TAF4: variants seen among roughly 807,000 people sequenced by gnomAD.
TAF4 encodes the protein transcription initiation factor TFIID subunit 4.
Under a neutral mutation model 90.3 loss-of-function variants are expected in TAF4, and 9 were observed. That is an observed-to-expected ratio of 0.10 (90% CI 0.06 to 0.17). The LOEUF (loss-of-function observed/expected upper bound fraction) is 0.17, where lower values mean the gene tolerates loss of function less well. Ranked by LOEUF, TAF4 falls within the 10% of genes least tolerant of loss-of-function variation. The pLI, the probability that TAF4 is intolerant of heterozygous loss-of-function variation, is 1.00. For synonymous variants in TAF4, 818 were observed against 638.9 expected (o/e 1.28, Z -4.23); for missense variants, 1,351 against 1,370.7 (o/e 0.99, Z 0.23).
In TAF4 at chr20:62,030,080, G is replaced by A. The variant is rs577027031; in HGVS notation, c.1361-15373C>T. On this transcript the variant is annotated intron_variant, in intron 1 of 14. Coordinates refer to ENST00000252996, the MANE Select transcript of TAF4 (RefSeq NM_003185.4). ...GAAAGACGCACAATGCCAGCGCTGC[G>A]AGGCCAGGCGAGCAGCGCAGCGGGC... is the stretch of plus-strand genomic sequence containing the variant. Among the ~76,000 whole-genome samples the A allele has an allele frequency of 7.9e-4, 120 of 152,268 alleles. 1 individual carries two copies. Among genetic ancestry groups the A allele is most frequent in the South Asian group, 2.1e-4 (1 of 4,826 alleles).
intron 5 of TAF4, among the ~76,000 whole-genome samples, chr20:62,008,508 G>A (rs1216589381): frequency 6.7e-6 from 1 of 148,326 alleles, no homozygotes; most frequent in Non-Finnish European, 1.5e-5. Context: ...TCCGGCCAGG[G>A]GACAGAGTGC....
At chr20:61,993,052 C>T (rs940643705) in intron 14 of TAF4, among the ~76,000 whole-genome samples, 1 of 152,184 alleles carries the variant, frequency 6.6e-6, no homozygotes, top group African/African-American at 2.4e-5. Flanking sequence ...AAAACATGCT[C>T]GCGTTTACCC....
chr20:62,015,378 T>G (rs1021140369), intron 1 of TAF4, among the ~76,000 whole-genome samples: 3 of 152,232 alleles, frequency 2.0e-5, no homozygotes, highest in Non-Finnish European at 4.4e-5. Context: ...GGCATTAATG[T>G]TAGCTTCAAA....
intron 3 of TAF4, 102 bp downstream of exon 3, chr20:62,012,713 G>C: frequency 7.5e-7 from 1 of 1,329,488 alleles, no homozygotes; most frequent in South Asian, 1.9e-5. Context: ...GTAGTATCCA[G>C]TTTAAAAAAA....
At chr20:62,039,752 T>C (rs2055953440) in intron 1 of TAF4, among the ~76,000 whole-genome samples, 4 of 152,132 alleles carry the variant, frequency 2.6e-5, no homozygotes, top group Admixed American at 2.6e-4. Context: ...ATCTGATAAA[T>C]TACTTACATC....
chr20:62,021,592 G>C (rs914993879), intron 1 of TAF4, among the ~76,000 whole-genome samples: 1 of 152,266 alleles, frequency 6.6e-6, no homozygotes, highest in Non-Finnish European at 1.5e-5. Flanking sequence ...GCGGACTGCG[G>C]CTGGGCAGCC....
chr20:62,011,899 A>G (rs1462393833), intron 3 of TAF4, among the ~76,000 whole-genome samples: 5 of 151,948 alleles, frequency 3.3e-5, no homozygotes, highest in Non-Finnish European at 5.9e-5. Context: ...CCCCTGAACC[A>G]TTTTTCTCCC....
intron 9 of TAF4, among the ~76,000 whole-genome samples, chr20:62,001,798 G>A (rs529482799): frequency 1.6e-4 from 24 of 151,964 alleles, no homozygotes; most frequent in African/African-American, 5.3e-4. Context: ...TCTGACACAG[G>A]ACGGTCTCCG....
At chr20:62,005,312 G>A (rs2123135672) in intron 7 of TAF4, 1 of 152,412 alleles carries the variant, frequency 6.6e-6, no homozygotes, top group South Asian at 2.1e-4. Flanking sequence ...CCCACTGGCT[G>A]TGCTCTGCAG....
At chr20:62,007,480 T>C in intron 6 of TAF4, 67 bp downstream of exon 6, 2 of 1,483,266 alleles carry the variant, frequency 1.3e-6, no homozygotes, top group Admixed American at 3.4e-5. Context: ...CCCTGCACAC[T>C]TGGTGCATCT....
intron 1 of TAF4, among the ~76,000 whole-genome samples, chr20:62,024,216 C>G (rs2055861944): frequency 6.6e-6 from 1 of 152,188 alleles, no homozygotes; most frequent in Admixed American, 6.5e-5. Context: ...TTCTCACATG[C>G]TGGAACAACT....
At chr20:62,040,787 A>C (rs903478768) in intron 1 of TAF4, among the ~76,000 whole-genome samples, 8 of 152,252 alleles carry the variant, frequency 5.3e-5, no homozygotes, top group African/African-American at 1.9e-4. Context: ...GTTTCTGACA[A>C]GACCAAACTC....
intron 1 of TAF4, among the ~76,000 whole-genome samples, chr20:62,021,992 C>T (rs1312119925): frequency 6.6e-6 from 1 of 152,102 alleles, no homozygotes; most frequent in South Asian, 2.1e-4. Flanking sequence ...CAGCGGCCAG[C>T]GGCGGACAGC....
chr20:62,033,355 A>G (rs189000702), intron 1 of TAF4, among the ~76,000 whole-genome samples: 1 of 152,336 alleles, frequency 6.6e-6, no homozygotes, highest in African/African-American at 2.4e-5. Flanking sequence ...AATAATAGGA[A>G]GGCATTTGAT....
intron 1 of TAF4, among the ~76,000 whole-genome samples, chr20:62,020,116 C>T (rs767887415): frequency 7.9e-5 from 12 of 152,194 alleles, no homozygotes; most frequent in Admixed American, 2.0e-4. Flanking sequence ...TTCACCTCTG[C>T]CAAACCCAGG....
Position 62,012,875 on chromosome 20 carries a change from C to T in TAF4, c.1581G>A (p.Val527=). The change falls in exon 3 of 15, where the codon GTG becomes GTA. Residue 527 remains valine (V), a synonymous_variant. Transcript: ENST00000252996. ...GCTGCACCGTTGTCTGGGCCTGAGA[C>T]ACTTGCTTAATTATGGTAGTTGGGG... ...QVTPTTIIKQ[V]SQAQTTVQPS... The T allele has an allele frequency of 6.2e-7, 1 of 1,614,206 alleles. No homozygotes were observed. Among genetic ancestry groups the T allele is most frequent in the Non-Finnish European group, 8.5e-7 (1 of 1,180,042 alleles).
intron 14 of TAF4, among the ~76,000 whole-genome samples, chr20:61,987,150 G>A (rs923091682): frequency 5.3e-5 from 8 of 152,176 alleles, no homozygotes; most frequent in Non-Finnish European, 8.8e-5. Context: ...CACGCCAGCC[G>A]GCCCGCGGCA....
intron 1 of TAF4, among the ~76,000 whole-genome samples, chr20:62,019,793 C>G (rs2055832206): frequency 6.6e-6 from 1 of 152,240 alleles, no homozygotes. Flanking sequence ...TTTCCTGATT[C>G]CTTTTGTAGG....
intron 1 of TAF4, among the ~76,000 whole-genome samples, chr20:62,060,060 T>C (rs1174419009): frequency 6.6e-6 from 1 of 152,254 alleles, no homozygotes; most frequent in Non-Finnish European, 1.5e-5. Flanking sequence ...GCCCGGTCTG[T>C]GCTGCTCTGA....
Sources: gnomAD v4.1 joint callset for allele counts (sites outside exome capture counted in the v4.1 genomes callset) on GRCh38, gnomAD v4.1.1 for gene constraint, MANE v1.5 for transcripts, NCBI Gene and HGNC (gene_info 2026-07-23, HGNC 2026-07-21) for gene names.